NCAPG: variants seen among roughly 807,000 people sequenced by gnomAD.
NCAPG encodes the protein condensin complex subunit 3.
In NCAPG, 69 loss-of-function variants were observed where a neutral mutation model predicts 113.1. The observed-to-expected ratio is 0.61, with a 90% CI of 0.50 to 0.75. The LOEUF (loss-of-function observed/expected upper bound fraction) is 0.75. Among genes scored for constraint, NCAPG ranks in the 30% least tolerant of loss-of-function variants. The probability of loss-of-function intolerance (pLI) is 0.00; values close to 1 mark genes in which losing one functional copy is unlikely to be tolerated. For synonymous variants in NCAPG, 370 were observed against 415.8 expected, an observed-to-expected ratio of 0.89 and a Z score of 1.34; for missense variants, 1,058 against 1,177.0, an observed-to-expected ratio of 0.90 and a Z score of 1.48.
intron 13 of NCAPG, among the ~76,000 whole-genome samples, chr4:17,831,598 GAGCA>G (rs775791429): frequency 2.0e-5 from 3 of 152,096 alleles, no homozygotes; most frequent in African/African-American, 4.8e-5. Context: ...GTTGACATTT[GAGCA>G]AATACCAGAA....
chr4:17,843,698 T>C lies in NCAPG; in HGVS notation c.*273T>C, dbSNP rs1435646083. On this transcript the variant is annotated 3_prime_UTR_variant, in exon 21 of 21. Transcript: ENST00000251496. ...TTTAAATAGTCTCTCCAAGTGATTC[T>C]TATGAACTCTTTATGTTTAAAATCA... The C allele has an allele frequency of 4.3e-6, 1 of 234,290 alleles. No individual in the cohort carries two copies. The highest frequency in any genetic ancestry group is 8.5e-6 in the Non-Finnish European group (1 of 117,334). The allele number at this position is 234,290 out of a possible 1,614,324, so 14.5% of individuals were successfully genotyped here. A position where few individuals can be genotyped will look rare whatever the true frequency, so the allele number is the denominator to read the frequency against.
intron 5 of NCAPG, among the ~76,000 whole-genome samples, chr4:17,816,688 A>G (rs1721225762): frequency 6.6e-6 from 1 of 152,206 alleles, no homozygotes; most frequent in East Asian, 1.9e-4. Context: ...ATTCTGGGCT[A>G]ACACCTGAAG....
chr4:17,840,796 T>TAAAG, intron 19 of NCAPG, 103 bp downstream of exon 19: 1 of 640,676 alleles, frequency 1.6e-6, no homozygotes, highest in East Asian at 3.4e-5. Context: ...TCCTTAGGGA[T>TAAAG]AAAGATTTTT....
chr4:17,825,390 A>G lies in NCAPG; in HGVS notation c.1482A>G (p.Glu494=), dbSNP rs779288937. The part of the protein sequence containing the change: ...DVRKKELKMA[E]IKVKLIEAKE... Reference sequence around the variant, plus strand: ...TTTATATCTTCCCTTAGATGGCTGAAATAAAAGTTAAGCTTATCGAAGCCA... The same window carrying G: ...TTTATATCTTCCCTTAGATGGCTGAGATAAAAGTTAAGCTTATCGAAGCCA... Residue 494 remains glutamate, a synonymous_variant, in exon 11 of 21, where the codon GAA becomes GAG. Coordinates refer to ENST00000251496, the MANE Select transcript of NCAPG (RefSeq NM_022346.5). 2 of 1,582,202 alleles carry G rather than the reference A, an allele frequency of 1.3e-6. No homozygotes were observed. Among genetic ancestry groups the G allele is most frequent in the East Asian group, 2.2e-5 (1 of 44,642 alleles).
intron 18 of NCAPG, among the ~76,000 whole-genome samples, 180 bp downstream of exon 18, chr4:17,840,389 G>A (rs895068914): frequency 6.6e-6 from 1 of 151,870 alleles, no homozygotes; most frequent in Non-Finnish European, 1.5e-5. Context: ...TGCTTTTCAA[G>A]TGTTTTTTGG....
chr4:17,843,615 G>C lies in NCAPG; in HGVS notation c.*190G>C, dbSNP rs7688403. The C allele has an allele frequency of 0.49, 235,619 of 481,444 alleles. 61,751 individuals carry two copies. Among genetic ancestry groups the C allele is most frequent in the East Asian group, 0.79 (22,560 of 28,706 alleles). 29.8% of individuals were successfully genotyped at this position (481,444 alleles called of 1,614,324 possible). Reference sequence around the variant, plus strand: ...TCAGTTATTATAGTCCAGAAAAAGTGTGCATCAGTCAGTCACACAGATTTA... The same window carrying C: ...TCAGTTATTATAGTCCAGAAAAAGTCTGCATCAGTCAGTCACACAGATTTA... On this transcript the variant is annotated 3_prime_UTR_variant, in exon 21 of 21. Coordinates refer to ENST00000251496, the MANE Select transcript of NCAPG (RefSeq NM_022346.5).
intron 2 of NCAPG, 127 bp downstream of exon 2, chr4:17,812,551 C>A: frequency 1.4e-6 from 1 of 697,878 alleles, no homozygotes; most frequent in Non-Finnish European, 2.4e-6. Flanking sequence ...ATGAGTCTAC[C>A]TTTCATAGGA....
intron 3 of NCAPG, among the ~76,000 whole-genome samples, chr4:17,813,641 A>T (rs1721084447): frequency 6.6e-6 from 1 of 152,086 alleles, no homozygotes; most frequent in Admixed American, 6.5e-5. Context: ...TGAATTGTAG[A>T]TCTCTTCCTG....
chr4:17,814,400 C>T lies in NCAPG; in HGVS notation c.545-453C>T, dbSNP rs142811430. Among the ~76,000 whole-genome samples the T allele has an allele frequency of 2.3e-4, 35 of 150,258 alleles. No homozygotes were observed. The East Asian group carries it at 6.6e-3, about 28-fold the overall frequency. ...GGGCAACATAGTGAGACCTTGTCTC[C>T]AAAAAAAAGAAAAAGAAGGAAGTTG... On this transcript the variant is annotated intron_variant, in intron 3 of 20. Transcript: ENST00000251496.
At chr4:17,840,938 T>G (rs576677863) in intron 19 of NCAPG, among the ~76,000 whole-genome samples, 5 of 152,126 alleles carry the variant, frequency 3.3e-5, no homozygotes, top group Non-Finnish European at 7.4e-5. Context: ...GCAAAAGATA[T>G]TACAAAAGAC....
At chr4:17,828,490 A>C (rs1721740323) in intron 12 of NCAPG, 102 bp downstream of exon 12, 2 of 575,522 alleles carry the variant, frequency 3.5e-6, no homozygotes, top group South Asian at 5.4e-5. Context: ...TTACTGTCTT[A>C]AATATCTGAT....
chr4:17,841,613 A>G (rs1489717474), intron 19 of NCAPG: 1 of 151,896 alleles, frequency 6.6e-6, no homozygotes, highest in Admixed American at 6.6e-5. Flanking sequence ...TTTTTGTGGT[A>G]TATCACACCA....
chr4:17,831,941 G>T (rs1251601490), intron 13 of NCAPG, among the ~76,000 whole-genome samples: 1 of 152,102 alleles, frequency 6.6e-6, no homozygotes, highest in Non-Finnish European at 1.5e-5. Context: ...AACCTTTTGT[G>T]TACAGGGCCA....
chr4:17,835,389 G>A (rs1364475486), intron 14 of NCAPG, among the ~76,000 whole-genome samples: 7 of 151,860 alleles, frequency 4.6e-5, no homozygotes, highest in Non-Finnish European at 7.4e-5. Flanking sequence ...ACAGGGTCTC[G>A]CTCTGTTGCC....
Position 17,829,054 on chromosome 4 carries a change from T to C in NCAPG, c.1764+666T>C, listed in dbSNP as rs151118283. ...TAATCATTTCATTATTTACTCACTA[T>C]TAAAACTGTTGCAATGTTTTACATT... On this transcript the variant is annotated intron_variant, in intron 12 of 20. Coordinates refer to ENST00000251496, the MANE Select transcript of NCAPG (RefSeq NM_022346.5). 6.7e-3 allele frequency among the ~76,000 whole-genome samples: 1,021 copies of C among 152,314 alleles called. 16 individuals carry two copies. The highest frequency in any genetic ancestry group is 0.024 in the African/African-American group (983 of 41,564).
At chr4:17,828,727 G>A (rs540657168) in intron 12 of NCAPG, among the ~76,000 whole-genome samples, 45 of 152,132 alleles carry the variant, frequency 3.0e-4, no homozygotes, top group African/African-American at 1.0e-3. Flanking sequence ...TACGTAATGA[G>A]ACTGAGACAA....
chr4:17,840,714 C>A, intron 19 of NCAPG, 21 bp downstream of exon 19: 1 of 1,410,594 alleles, frequency 7.1e-7, no homozygotes, highest in Non-Finnish European at 9.4e-7. Context: ...GATTGACCAT[C>A]TTTATGATAA....
intron 4 of NCAPG, 34 bp from the exon 5 acceptor site, chr4:17,815,239 GA>G: frequency 1.3e-6 from 2 of 1,517,342 alleles, no homozygotes; most frequent in South Asian, 2.4e-5. Context: ...AAATTGTGTT[GA>G]GGTTAATGAC....
At chr4:17,817,891 A>G in intron 6 of NCAPG, 48 bp from the exon 7 acceptor site, 1 of 1,527,744 alleles carries the variant, frequency 6.5e-7, no homozygotes, top group Non-Finnish European at 8.8e-7. Flanking sequence ...TCAATTCTTA[A>G]TGATAAAAAG....
Sources: gnomAD v4.1 joint callset for allele counts (sites outside exome capture counted in the v4.1 genomes callset) on GRCh38, gnomAD v4.1.1 for gene constraint, MANE v1.5 for transcripts, NCBI Gene and HGNC (gene_info 2026-07-23, HGNC 2026-07-21) for gene names.